TMEM53: variants seen among roughly 807,000 people sequenced by gnomAD.
TMEM53 encodes novel DUF829 domain-containing protein.
TMEM53 carries 14 observed loss-of-function variants against 21.4 expected under a neutral mutation model. The ratio of observed to expected loss-of-function variants is 0.65; its 90% CI spans 0.43 to 1.02. The LOEUF (loss-of-function observed/expected upper bound fraction) is 1.02. TMEM53 is among the 50% of genes least tolerant of loss of function. The probability of loss-of-function intolerance (pLI) is 0.00; values close to 1 mark genes in which losing one functional copy is unlikely to be tolerated. For synonymous variants in TMEM53, 148 were observed against 157.4 expected (o/e 0.94, Z 0.45); for missense variants, 323 against 383.6 (o/e 0.84, Z 1.32).
At chr1:44,668,776 C>T (rs955003269) in intron 1 of TMEM53, among the ~76,000 whole-genome samples, 1 of 152,208 alleles carries the variant, frequency 6.6e-6, no homozygotes, top group African/African-American at 2.4e-5. Context: ...TTCTTGGGCT[C>T]AAGCAATCCA....
Position 44,674,049 on chromosome 1 carries a change from G to T in TMEM53, c.61+282C>A, listed in dbSNP as rs562165238. 3.0e-6 allele frequency: 3 copies of T among 985,460 alleles called. No homozygotes were observed. The Admixed American group carries it at 1.8e-4, about 60-fold the overall frequency. 61.0% of individuals were successfully genotyped at this position (985,460 alleles called of 1,614,324 possible). On this transcript the variant is annotated intron_variant, in intron 1 of 2. Transcript: ENST00000372237. ...TTCAGCTATGAGAAGTGATTAAAGG[G>T]CATGGACCTGAGCACCCCGGACAGG...
rs111654386 is a variant in TMEM53 at position 44,655,063 on chromosome 1, A to G, written c.330T>C (p.His110=). The part of the protein sequence containing the change: ...YEIEKEPLLF[H]VFSNGGVMLY... The stretch of plus-strand genomic sequence containing the variant: ...GCATGACGCCACCGTTGCTGAAGAC[A>G]TGGAAGAGCAGGGGCTCCTTCTCAA... Residue 110 remains histidine, a synonymous_variant, in exon 3 of 3, where the codon CAT becomes CAC. Coordinates refer to ENST00000372237, the MANE Select transcript of TMEM53 (RefSeq NM_024587.4). This position sits in a 1 kb window ranked among gnomAD's most constrained non-coding sequence, Gnocchi z 4.4. 324 of 1,614,234 alleles carry G rather than the reference A, an allele frequency of 2.0e-4. 2 individuals carry two copies. The African/African-American group carries it at 3.8e-3, about 19-fold the overall frequency.
intron 1 of TMEM53, among the ~76,000 whole-genome samples, chr1:44,671,800 G>A (rs559200621): frequency 2.0e-5 from 3 of 152,264 alleles, no homozygotes; most frequent in South Asian, 4.1e-4. Context: ...ATGGTGGCGG[G>A]TGCCTGTAGT....
At chr1:44,661,354 C>T (rs900883294) in intron 1 of TMEM53, among the ~76,000 whole-genome samples, 1 of 151,872 alleles carries the variant, frequency 6.6e-6, no homozygotes, top group African/African-American at 2.4e-5. Context: ...CCTCGGCCTA[C>T]TGAGTGGCTG....
chr1:44,655,648 T>C lies in TMEM53; in HGVS notation c.184-439A>G, dbSNP rs557897483. On this transcript the variant is annotated intron_variant, in intron 2 of 2. Coordinates refer to ENST00000372237, the MANE Select transcript of TMEM53 (RefSeq NM_024587.4). This position sits in a 1 kb window ranked among gnomAD's most constrained non-coding sequence, Gnocchi z 4.4. ...CTGTCCCAGCACCTCAGATCTGCAC[T>C]GTCCCTACCTCCCAGACAGAAGTAG... Among the ~76,000 whole-genome samples the C allele has an allele frequency of 1.4e-3, 212 of 152,238 alleles. No homozygotes were observed. The highest frequency in any genetic ancestry group is 2.6e-3 in the Non-Finnish European group (178 of 67,998).
chr1:44,670,500 G>A (rs1644990302), intron 1 of TMEM53, among the ~76,000 whole-genome samples: 1 of 152,160 alleles, frequency 6.6e-6, no homozygotes, highest in African/African-American at 2.4e-5. Flanking sequence ...CACCATGGGG[G>A]TCTGTCAGCC....
intron 2 of TMEM53, among the ~76,000 whole-genome samples, chr1:44,658,238 C>A (rs1644866994): frequency 6.6e-6 from 1 of 152,122 alleles, no homozygotes; most frequent in African/African-American, 2.4e-5. Flanking sequence ...TGGGGGATCT[C>A]ATCCACTCCA....
In TMEM53 at chr1:44,654,718, G is replaced by C. The variant is rs748109602; in HGVS notation, c.675C>G (p.Ala225=). Residue 225 remains alanine, a synonymous_variant, in exon 3 of 3, where the codon GCC becomes GCG. Transcript: ENST00000372237. The surrounding 1 kb of genome is among the most constrained non-coding windows in gnomAD (Gnocchi z 7.0). The part of the protein sequence containing the change: ...LYSRADEVVL[A]RDIERMVEAR... ...CCTCCACCATGCGTTCTATGTCTCTGGCCAGGACTACTTCGTCAGCCCTCG... is the reference window on the plus strand; with the variant it reads ...CCTCCACCATGCGTTCTATGTCTCTCGCCAGGACTACTTCGTCAGCCCTCG... 6.2e-7 allele frequency: 1 copy of C among 1,614,130 alleles called. No individual in the cohort carries two copies. The highest frequency in any genetic ancestry group is 1.1e-5 in the South Asian group (1 of 91,080).
intron 1 of TMEM53, among the ~76,000 whole-genome samples, chr1:44,668,985 A>G (rs1475020499): frequency 1.3e-5 from 2 of 152,222 alleles, no homozygotes; most frequent in African/African-American, 4.8e-5. Context: ...GACCTTAATC[A>G]AGTTCTCTAA....
chr1:44,660,362 G>C lies in TMEM53; in HGVS notation c.62-67C>G, dbSNP rs534041293. 219 of 1,547,242 alleles carry C rather than the reference G, an allele frequency of 1.4e-4. No homozygotes were observed. In the African/African-American group the frequency reaches 2.5e-3, roughly 18 times the overall value. ...GGGGCGGGGGTGACTGCCCAATCCA[G>C]AGTCAGCAGCACTCCGGCTGCTGCA... On this transcript the variant is annotated intron_variant, in intron 1 of 2. Transcript: ENST00000372237.
chr1:44,654,677 C>CGGCGTGCCA lies in TMEM53; in HGVS notation c.707_715dup (p.Leu236_Arg238dup), dbSNP rs1557489429. On this transcript the variant is annotated inframe_insertion, in exon 3 of 3. Transcript: ENST00000372237. The surrounding 1 kb of genome is among the most constrained non-coding windows in gnomAD (Gnocchi z 7.0). The stretch of plus-strand genomic sequence containing the variant: ...GAAATCCACAGAACGCGCCAGGACC[C>CGGCGTGCCA]GGCGTGCCAGGCGTGCCTCCACCAT... 6.2e-6 allele frequency: 10 copies of CGGCGTGCCA among 1,614,154 alleles called. No individual in the cohort carries two copies. The highest frequency in any genetic ancestry group is 8.5e-6 in the Non-Finnish European group (10 of 1,180,034).
In TMEM53 at chr1:44,655,866, G is replaced by A. The variant is rs536689821; in HGVS notation, c.184-657C>T. Among the ~76,000 whole-genome samples, 4 of 152,186 alleles carry A rather than the reference G, an allele frequency of 2.6e-5. No homozygotes were observed. The highest frequency in any genetic ancestry group is 2.1e-4 in the South Asian group (1 of 4,818). ...GACACTCAAATGTCCCTGGTTCCCC[G>A]GCCTGGGATCACTCCTCATATCTGC... On this transcript the variant is annotated intron_variant, in intron 2 of 2. Coordinates refer to ENST00000372237, the MANE Select transcript of TMEM53 (RefSeq NM_024587.4). This position sits in a 1 kb window ranked among gnomAD's most constrained non-coding sequence, Gnocchi z 4.4.
rs764920720 is a variant in TMEM53 at position 44,660,292 on chromosome 1, T to C, written c.65A>G (p.Asn22Ser). 3.3e-5 allele frequency: 54 copies of C among 1,613,114 alleles called. No homozygotes were observed. In the Admixed American group the frequency reaches 7.8e-4, roughly 23 times the overall value. The part of the protein sequence containing the change: ...IPDQPCWSQK[N>S]SPSPGGKEAE... ...CTCCTTCCCACCTGGGCTGGGGCTG[T>C]TCTCTGAAACACAGATGTGGACTGT... The change falls in exon 2 of 3, where the codon AAC (asparagine) becomes AGC (serine). Residue 22 changes from asparagine to serine, a missense_variant. Transcript: ENST00000372237.
At chr1:44,660,335 TG>T in intron 1 of TMEM53, 40 bp from the exon 2 acceptor site, 3 of 1,563,736 alleles carry the variant, frequency 1.9e-6, no homozygotes, top group Non-Finnish European at 8.7e-7. Flanking sequence ...AGAGCTGGGG[TG>T]GGGGCGGGGG....
At chr1:44,659,894 C>G (rs1460162899) in intron 2 of TMEM53, among the ~76,000 whole-genome samples, 1 of 149,600 alleles carries the variant, frequency 6.7e-6, no homozygotes, top group African/African-American at 2.5e-5. Flanking sequence ...GAATCTCACC[C>G]TGTCACCCAG....
intron 1 of TMEM53, among the ~76,000 whole-genome samples, chr1:44,664,727 T>C (rs983517178): frequency 2.6e-5 from 4 of 152,194 alleles, no homozygotes; most frequent in African/African-American, 9.7e-5. Flanking sequence ...AATGACCTCA[T>C]CTACCTGCTT....
At chr1:44,664,911 C>T (rs568515874) in intron 1 of TMEM53, among the ~76,000 whole-genome samples, 75 of 152,278 alleles carry the variant, frequency 4.9e-4, no homozygotes, top group African/African-American at 1.7e-3. Flanking sequence ...GCCCACTATC[C>T]GGACCAGCGT....
chr1:44,661,609 C>A (rs1644903222), intron 1 of TMEM53, among the ~76,000 whole-genome samples: 1 of 152,070 alleles, frequency 6.6e-6, no homozygotes, highest in South Asian at 2.1e-4. Context: ...CAGAGAATAG[C>A]CTATATTTAT....
intron 1 of TMEM53, among the ~76,000 whole-genome samples, chr1:44,670,108 C>T (rs1644985956): frequency 7.3e-6 from 1 of 136,928 alleles, no homozygotes; most frequent in African/African-American, 2.9e-5. Context: ...AGAAAGGGCT[C>T]TTATCTAGAG....
Sources: allele counts gnomAD v4.1 joint callset (sites outside exome capture counted in the v4.1 genomes callset), GRCh38; gene constraint gnomAD v4.1.1; non-coding constraint Gnocchi (gnomAD v3.1); transcripts MANE v1.5; gene names NCBI Gene and HGNC (gene_info 2026-07-23, HGNC 2026-07-21).